The following R3HDM1 variants were observed in gnomAD, a reference collection of about 807,000 sequenced individuals.
The protein encoded by R3HDM1 is R3H domain-containing protein 1.
In R3HDM1, 46 loss-of-function variants were observed where a neutral mutation model predicts 141.1. The ratio of observed to expected loss-of-function variants is 0.33; its 90% CI spans 0.26 to 0.42. The LOEUF (loss-of-function observed/expected upper bound fraction) is 0.42. R3HDM1 is among the 10% of genes least tolerant of loss of function. The pLI is 1.00. For synonymous variants in R3HDM1, 435 were observed against 472.9 expected, an observed-to-expected ratio of 0.92 and a Z score of 1.04; for missense variants, 1,184 against 1,368.3, an observed-to-expected ratio of 0.87 and a Z score of 2.12.
At chr2:135,605,129 T>C in intron 3 of R3HDM1, 113 bp downstream of exon 3, 1 of 913,292 alleles carries the variant, frequency 1.1e-6, no homozygotes, top group Non-Finnish European at 1.6e-6. Context: ...TGACCCTTCG[T>C]GACATGCTTA....
chr2:135,712,875 C>T (rs754977634), intron 23 of R3HDM1, among the ~76,000 whole-genome samples: 5 of 151,472 alleles, frequency 3.3e-5, no homozygotes, highest in East Asian at 1.9e-4. Flanking sequence ...GAGCCAAGAT[C>T]GCCCCACTGC....
At chr2:135,656,476 T>A (rs989638054) in intron 18 of R3HDM1, 7 of 152,120 alleles carry the variant, frequency 4.6e-5, no homozygotes, top group African/African-American at 7.2e-5. Context: ...CTTTTTTTTT[T>A]TATAATATTG....
chr2:135,652,234 G>C (rs901574493), intron 18 of R3HDM1, among the ~76,000 whole-genome samples: 1 of 152,184 alleles, frequency 6.6e-6, no homozygotes, highest in Non-Finnish European at 1.5e-5. Context: ...CAGTTGGTTG[G>C]TAAAGTATGT....
chr2:135,625,893 C>G (rs2061968871), intron 7 of R3HDM1, among the ~76,000 whole-genome samples: 1 of 152,222 alleles, frequency 6.6e-6, no homozygotes, highest in South Asian at 2.1e-4. Flanking sequence ...TTGTATGCAT[C>G]TCTTCATCTG....
At chr2:135,713,541 T>C (rs774775354) in intron 23 of R3HDM1, among the ~76,000 whole-genome samples, 2 of 152,234 alleles carry the variant, frequency 1.3e-5, no homozygotes, top group African/African-American at 2.4e-5. Context: ...TTTTTTCCTG[T>C]TGTAATATTG....
intron 1 of R3HDM1, among the ~76,000 whole-genome samples, chr2:135,569,827 C>T (rs1440956848): frequency 6.6e-6 from 1 of 150,958 alleles, no homozygotes; most frequent in African/African-American, 2.5e-5. Flanking sequence ...CCTGGGTTCA[C>T]GCCATTCTCC....
intron 21 of R3HDM1, among the ~76,000 whole-genome samples, chr2:135,687,026 C>T (rs1362730620): frequency 5.9e-5 from 9 of 152,170 alleles, no homozygotes; most frequent in Non-Finnish European, 1.3e-4. Context: ...GGTGAAACTT[C>T]ATCTCTACTG....
intron 24 of R3HDM1, 101 bp downstream of exon 24, chr2:135,715,795 T>C: frequency 5.7e-6 from 8 of 1,401,058 alleles, no homozygotes; most frequent in South Asian, 2.8e-5. Flanking sequence ...CTATTTTCCA[T>C]AGAGCTGCAT....
intron 1 of R3HDM1, among the ~76,000 whole-genome samples, chr2:135,551,017 A>T (rs1573687811): frequency 6.6e-6 from 1 of 152,352 alleles, no homozygotes; most frequent in East Asian, 1.9e-4. Flanking sequence ...AAGGTTAAGA[A>T]AAAAATAAAT....
intron 1 of R3HDM1, among the ~76,000 whole-genome samples, chr2:135,564,825 T>G (rs1702426892): frequency 6.6e-6 from 1 of 152,238 alleles, no homozygotes; most frequent in Non-Finnish European, 1.5e-5. Flanking sequence ...ACTGTTAATA[T>G]TTGGTGTATA....
At chr2:135,691,815 T>C (rs995003111) in intron 21 of R3HDM1, among the ~76,000 whole-genome samples, 30 of 152,156 alleles carry the variant, frequency 2.0e-4, no homozygotes, top group African/African-American at 5.8e-4. Flanking sequence ...ATAAAACATA[T>C]ATAAATATCT....
chr2:135,604,093 T>C (rs2059847413), intron 2 of R3HDM1, among the ~76,000 whole-genome samples: 1 of 152,182 alleles, frequency 6.6e-6, no homozygotes, highest in South Asian at 2.1e-4. Context: ...CTGGATAATG[T>C]GTTGTTTGGC....
At chr2:135,660,135 TA>T (rs2066499000) in intron 18 of R3HDM1, among the ~76,000 whole-genome samples, 1 of 152,198 alleles carries the variant, frequency 6.6e-6, no homozygotes, top group Admixed American at 6.5e-5. Flanking sequence ...TATGTTTCAA[TA>T]AAGAAAGATG....
At position 135,645,360 on chromosome 2, in the gene R3HDM1, C is replaced by T. The variant is rs1276790128; in HGVS notation, c.1475-19C>T. On this transcript the variant is annotated intron_variant, in intron 15 of 26. Coordinates refer to ENST00000683871, the MANE Select transcript of R3HDM1 (RefSeq NM_001378107.1). ...CCTGTATTCTAAGTTATTTTTTTCC[C>T]TCTTTTTGAATTTTTCAGGTCAGCC... The T allele has an allele frequency of 3.8e-6, 6 of 1,562,824 alleles. No individual in the cohort carries two copies. In the African/African-American group the frequency reaches 4.1e-5, roughly 11 times the overall value.
At chr2:135,589,842 A>C (rs1021568443) in intron 1 of R3HDM1, among the ~76,000 whole-genome samples, 1 of 151,950 alleles carries the variant, frequency 6.6e-6, no homozygotes, top group Non-Finnish European at 1.5e-5. Flanking sequence ...AATCTGTTAC[A>C]TTATATAATA....
chr2:135,549,446 T>C (rs544129592), intron 1 of R3HDM1, among the ~76,000 whole-genome samples: 61 of 150,592 alleles, frequency 4.1e-4, no homozygotes, highest in African/African-American at 1.4e-3. Context: ...TCCCAGCTAC[T>C]CGGGAGACGG....
At chr2:135,535,921 G>C (rs1018628963) in intron 1 of R3HDM1, among the ~76,000 whole-genome samples, 3 of 152,032 alleles carry the variant, frequency 2.0e-5, no homozygotes, top group African/African-American at 7.2e-5. Flanking sequence ...TTTATATCTA[G>C]ATTTTATCTT....
chr2:135,636,312 T>C, intron 11 of R3HDM1, 129 bp downstream of exon 11: 2 of 1,395,060 alleles, frequency 1.4e-6, no homozygotes, highest in Non-Finnish European at 1.9e-6. Flanking sequence ...GGTCATCTTT[T>C]AGAAATATTG....
intron 11 of R3HDM1, 123 bp downstream of exon 11, chr2:135,636,306 A>C: frequency 2.1e-6 from 3 of 1,405,704 alleles, no homozygotes; most frequent in Non-Finnish European, 2.8e-6. Flanking sequence ...ACATAAGGTC[A>C]TCTTTTAGAA....
Sources: gnomAD v4.1 joint callset for allele counts (sites outside exome capture counted in the v4.1 genomes callset) on GRCh38, gnomAD v4.1.1 for gene constraint, MANE v1.5 for transcripts, NCBI Gene and HGNC (gene_info 2026-07-23, HGNC 2026-07-21) for gene names.